Variants in CDH18 observed in about 807,000 individuals in gnomAD.
CDH18 encodes the protein cadherin-18.
Under a neutral mutation model 67.9 loss-of-function variants are expected in CDH18, and 31 were observed. The observed-to-expected ratio is 0.46, with a 90% CI of 0.34 to 0.62. The LOEUF (loss-of-function observed/expected upper bound fraction) is 0.62. CDH18 is among the 20% of genes least tolerant of loss of function. The pLI is 0.01. For missense variants in CDH18, 890 were observed against 975.5 expected, an observed-to-expected ratio of 0.91 and a Z score of 1.17; for synonymous variants, 362 against 347.2, an observed-to-expected ratio of 1.04 and a Z score of -0.48.
At chr5:19,672,304 T>C (rs1024144073) in intron 5 of CDH18, among the ~76,000 whole-genome samples, 1 of 152,122 alleles carries the variant, frequency 6.6e-6, no homozygotes, top group Admixed American at 6.6e-5. Flanking sequence ...TGTTCCAGTT[T>C]ACTCATCAAT....
chr5:19,724,001 C>T (rs774388640), intron 4 of CDH18, among the ~76,000 whole-genome samples: 18 of 152,230 alleles, frequency 1.2e-4, no homozygotes, highest in South Asian at 2.1e-4. Flanking sequence ...TGAGCCACCG[C>T]GCCCAGCCAT....
chr5:20,151,569 T>A (rs1314225107), intron 2 of CDH18, among the ~76,000 whole-genome samples: 1 of 152,144 alleles, frequency 6.6e-6, no homozygotes, highest in East Asian at 1.9e-4. Context: ...CTAAACTGCT[T>A]TCCACAGTGG....
At chr5:20,398,101 G>C (rs978178077) in intron 1 of CDH18, among the ~76,000 whole-genome samples, 3 of 152,052 alleles carry the variant, frequency 2.0e-5, no homozygotes, top group Non-Finnish European at 2.9e-5. Flanking sequence ...TAAGAGACCA[G>C]ACAAATCTGA....
chr5:19,584,926 C>G (rs1404860896), intron 7 of CDH18, among the ~76,000 whole-genome samples: 1 of 151,254 alleles, frequency 6.6e-6, no homozygotes. Flanking sequence ...GCACTAGGGA[C>G]CGAGGCGGCA....
rs1486909118 is a variant in CDH18, at chr5:19,472,640, G to T, written c.*586C>A. Among the ~76,000 whole-genome samples the T allele has an allele frequency of 1.3e-5, 2 of 152,062 alleles. No homozygotes were observed. Among genetic ancestry groups the T allele is most frequent in the African/African-American group, 4.8e-5 (2 of 41,424 alleles). On this transcript the variant is annotated 3_prime_UTR_variant, in exon 13 of 13. Coordinates refer to ENST00000382275, the MANE Select transcript of CDH18 (RefSeq NM_004934.5). ...CCATGCTCCATCAGTTTTGTATGGAGAAAAGAACTGGGGAGGGCAAAGGGA... is the reference window on the plus strand; with the variant it reads ...CCATGCTCCATCAGTTTTGTATGGATAAAAGAACTGGGGAGGGCAAAGGGA...
chr5:20,213,132 T>A (rs913219867), intron 2 of CDH18, among the ~76,000 whole-genome samples: 1 of 152,132 alleles, frequency 6.6e-6, no homozygotes, highest in Non-Finnish European at 1.5e-5. Context: ...AACACTTACT[T>A]AAACACTTGG....
At chr5:20,285,680 T>A (rs1362678006) in intron 1 of CDH18, among the ~76,000 whole-genome samples, 1 of 151,470 alleles carries the variant, frequency 6.6e-6, no homozygotes. Flanking sequence ...AAATCACATG[T>A]AACATAATCA....
chr5:19,977,686 C>G (rs544489950), intron 2 of CDH18, among the ~76,000 whole-genome samples: 1 of 148,826 alleles, frequency 6.7e-6, no homozygotes, highest in Non-Finnish European at 1.5e-5. Flanking sequence ...TTGCCTTAAT[C>G]CATTCTTTTA....
chr5:20,244,208 G>A (rs558743499), intron 2 of CDH18, among the ~76,000 whole-genome samples: 9 of 152,168 alleles, frequency 5.9e-5, no homozygotes, highest in Admixed American at 1.3e-4. Flanking sequence ...TGAATTTTAT[G>A]TTTGAAATTT....
intron 2 of CDH18, among the ~76,000 whole-genome samples, chr5:20,089,271 C>T (rs1368228309): frequency 6.6e-6 from 1 of 152,008 alleles, no homozygotes; most frequent in Non-Finnish European, 1.5e-5. Flanking sequence ...TTGAATACAA[C>T]ATGGTACCCT....
At chr5:20,183,423 A>G (rs1446690849) in intron 2 of CDH18, among the ~76,000 whole-genome samples, 2 of 152,062 alleles carry the variant, frequency 1.3e-5, no homozygotes, top group Non-Finnish European at 2.9e-5. Flanking sequence ...AATTTTAATA[A>G]ATTACACATT....
At chr5:19,788,101 T>C (rs189438310) in intron 3 of CDH18, among the ~76,000 whole-genome samples, 4 of 152,260 alleles carry the variant, frequency 2.6e-5, no homozygotes, top group African/African-American at 9.6e-5. Context: ...TTTGCCATTT[T>C]GCTTATAATA....
In CDH18 at chr5:20,501,717, TTGTGTGTGTGTGTGTG is replaced by T. The variant is rs1170488048; in HGVS notation, c.-580+73729_-580+73744del. ...GGCCAAACCCTAAAATCTTAAGGATTTGTGTGTGTGTGTGTGTGTGTGTGTGTGTGTGTGTGTGTAT... is the reference window on the plus strand; with the variant it reads ...GGCCAAACCCTAAAATCTTAAGGATTTGTGTGTGTGTGTGTGTGTGTGTAT... On this transcript the variant is annotated intron_variant, in intron 1 of 14. Transcript: ENST00000507958. Among the ~76,000 whole-genome samples the T allele has an allele frequency of 7.8e-4, 95 of 121,262 alleles. 1 individual carries two copies. The highest frequency in any genetic ancestry group is 5.7e-3 in the Admixed American group (64 of 11,136). The allele number at this position is 121,262 out of a possible 152,430, so 79.6% of individuals were successfully genotyped here. A position where few individuals can be genotyped will look rare whatever the true frequency, so the allele number is the denominator to read the frequency against.
chr5:19,505,894 T>C (rs1272062351), intron 10 of CDH18, among the ~76,000 whole-genome samples: 2 of 152,164 alleles, frequency 1.3e-5, no homozygotes, highest in Non-Finnish European at 2.9e-5. Context: ...GAAGGAATGG[T>C]ACCAGCTCCT....
intron 2 of CDH18, among the ~76,000 whole-genome samples, chr5:20,028,638 ACT>A (rs576913962): frequency 4.6e-5 from 7 of 152,214 alleles, no homozygotes; most frequent in Admixed American, 4.6e-4. Flanking sequence ...AGCCACTTAA[ACT>A]CTGATTCTTA....
chr5:19,821,426 A>C (rs2149948115), intron 3 of CDH18, among the ~76,000 whole-genome samples: 1 of 152,140 alleles, frequency 6.6e-6, no homozygotes, highest in African/African-American at 2.4e-5. Flanking sequence ...AAAAAGGAAA[A>C]AGAATTTTTA....
At chr5:19,599,020 TA>T (rs1746626160) in intron 6 of CDH18, among the ~76,000 whole-genome samples, 2 of 152,172 alleles carry the variant, frequency 1.3e-5, no homozygotes, top group East Asian at 3.8e-4. Flanking sequence ...GTTTTATCAC[TA>T]AAATAATTTT....
Position 19,921,624 on chromosome 5 carries a change from T to A in CDH18, c.-257+59436A>T, listed in dbSNP as rs533078956. On this transcript the variant is annotated intron_variant, in intron 2 of 12. Transcript: ENST00000382275. Reference sequence around the variant, plus strand: ...TGTTAATTATATTAAAAACTATAAATCCTGTAAAAACGAGGAAAACTTCAA... The same window carrying A: ...TGTTAATTATATTAAAAACTATAAAACCTGTAAAAACGAGGAAAACTTCAA... Among the ~76,000 whole-genome samples the A allele has an allele frequency of 4.0e-5, 6 of 151,506 alleles. No homozygotes were observed. The East Asian group carries it at 1.2e-3, about 29-fold the overall frequency.
chr5:19,791,946 A>G (rs753071479), intron 3 of CDH18, among the ~76,000 whole-genome samples: 1 of 152,144 alleles, frequency 6.6e-6, no homozygotes, highest in Non-Finnish European at 1.5e-5. Flanking sequence ...ACAACAGACT[A>G]CTTTTTAGAA....
Sources: allele counts gnomAD v4.1 joint callset (sites outside exome capture counted in the v4.1 genomes callset), GRCh38; gene constraint gnomAD v4.1.1; transcripts MANE v1.5; gene names NCBI Gene and HGNC (gene_info 2026-07-23, HGNC 2026-07-21).